The following DCLK1 variants were observed in gnomAD, a reference collection of about 807,000 sequenced individuals.
The protein encoded by DCLK1 is serine/threonine-protein kinase DCLK1.
A neutral mutation model predicts 86.2 loss-of-function variants in DCLK1; 16 were observed. The observed-to-expected ratio is 0.19, with a 90% CI of 0.13 to 0.28. The LOEUF (loss-of-function observed/expected upper bound fraction) is 0.28. DCLK1 is among the 10% of genes least tolerant of loss of function. DCLK1 has a pLI of 1.00. For missense variants in DCLK1, 590 were observed against 940.2 expected (o/e 0.63, Z 4.87); for synonymous variants, 369 against 370.5 (o/e 1.00, Z 0.05).
intron 3 of DCLK1, among the ~76,000 whole-genome samples, chr13:36,086,518 A>G (rs1457473660): frequency 6.7e-6 from 1 of 150,028 alleles, no homozygotes; most frequent in Non-Finnish European, 1.5e-5. Flanking sequence ...AGTTTGTTAC[A>G]TAGGTATACA....
chr13:35,918,289 T>A (rs1185601069), intron 4 of DCLK1, among the ~76,000 whole-genome samples: 3 of 152,212 alleles, frequency 2.0e-5, no homozygotes, highest in Non-Finnish European at 4.4e-5. Flanking sequence ...AAGGAACATA[T>A]GTTTGTCAGA....
In DCLK1 at chr13:35,822,795, G is replaced by A; in HGVS notation, c.1488C>T (p.Ala496=). The A allele has an allele frequency of 1.2e-6, 2 of 1,613,754 alleles. No homozygotes were observed. Among genetic ancestry groups the A allele is most frequent in the South Asian group, 1.1e-5 (1 of 91,028 alleles). Residue 496 remains alanine, a synonymous_variant, in exon 11 of 17, where the codon GCC becomes GCT. Coordinates refer to ENST00000360631, the MANE Select transcript of DCLK1 (RefSeq NM_001330071.2). The part of the protein sequence containing the change: ...RDASGMLYNL[A]SAIKYLHSLN... The stretch of plus-strand genomic sequence containing the variant: ...GGCTATGCAGGTATTTGATGGCGCT[G>A]GCTAGGTTGTACAGCATCCCACTGG...
chr13:35,908,501 G>T (rs1874809973), intron 4 of DCLK1, among the ~76,000 whole-genome samples: 1 of 152,192 alleles, frequency 6.6e-6, no homozygotes. Context: ...GCTCCGAAAA[G>T]CTTCTCTAGT....
chr13:36,094,542 T>C (rs182647596), intron 3 of DCLK1, among the ~76,000 whole-genome samples: 1 of 152,356 alleles, frequency 6.6e-6, no homozygotes, highest in Non-Finnish European at 1.5e-5. Context: ...GGGTAGTTGC[T>C]ATACACCCTG....
At chr13:36,118,627 G>C (rs1467196269) in intron 2 of DCLK1, among the ~76,000 whole-genome samples, 9 of 152,120 alleles carry the variant, frequency 5.9e-5, no homozygotes, top group African/African-American at 1.4e-4. Context: ...GAGAAAACAA[G>C]TTGGAGAAAT....
At chr13:36,054,533 G>A (rs553418813) in intron 3 of DCLK1, among the ~76,000 whole-genome samples, 1 of 152,224 alleles carries the variant, frequency 6.6e-6, no homozygotes, top group East Asian at 1.9e-4. Flanking sequence ...AGAGGGGTAG[G>A]GGAAGTACAG....
At chr13:35,805,917 C>T in intron 14 of DCLK1, 138 bp from the exon 15 acceptor site, 1 of 601,210 alleles carries the variant, frequency 1.7e-6, no homozygotes, top group Non-Finnish European at 2.6e-6. Flanking sequence ...CTCCACTTAC[C>T]TGTGGCTATT....
intron 3 of DCLK1, among the ~76,000 whole-genome samples, chr13:36,073,254 G>A (rs529075215): frequency 3.3e-5 from 5 of 152,132 alleles, no homozygotes; most frequent in African/African-American, 7.2e-5. Flanking sequence ...ATCCTCCTAC[G>A]TCCAGCCCCA....
intron 4 of DCLK1, among the ~76,000 whole-genome samples, chr13:35,906,723 T>C (rs1185428369): frequency 6.6e-6 from 1 of 152,158 alleles, no homozygotes; most frequent in Non-Finnish European, 1.5e-5. Context: ...GGGAAATCAC[T>C]GAAGAGTTAT....
chr13:35,789,986 C>T (rs1056915340), intron 16 of DCLK1, among the ~76,000 whole-genome samples: 4 of 152,184 alleles, frequency 2.6e-5, no homozygotes, highest in Non-Finnish European at 4.4e-5. Flanking sequence ...GAATGCAATG[C>T]CTTCCACCTA....
chr13:35,963,899 CT>C (rs1334497673), intron 3 of DCLK1, among the ~76,000 whole-genome samples: 1 of 152,142 alleles, frequency 6.6e-6, no homozygotes, highest in African/African-American at 2.4e-5. Flanking sequence ...AACTAAACCT[CT>C]TTATAAATTA....
At chr13:35,843,406 C>T (rs9574736) in intron 6 of DCLK1, among the ~76,000 whole-genome samples, 290 of 152,240 alleles carry the variant, frequency 1.9e-3, no homozygotes, top group African/African-American at 6.8e-3. Context: ...AGAACACATC[C>T]TAAGTGTAGC....
chr13:35,801,864 T>C (rs531037207), intron 15 of DCLK1, among the ~76,000 whole-genome samples: 1 of 152,272 alleles, frequency 6.6e-6, no homozygotes, highest in Non-Finnish European at 1.5e-5. Flanking sequence ...ATTCATGTCG[T>C]TCCCAACAGC....
At chr13:35,925,017 A>T (rs1229095186) in intron 4 of DCLK1, among the ~76,000 whole-genome samples, 1 of 152,206 alleles carries the variant, frequency 6.6e-6, no homozygotes, top group Non-Finnish European at 1.5e-5. Flanking sequence ...AAGGCTGCTG[A>T]CCTTAAATTT....
chr13:35,855,099 G>A (rs376163434), intron 5 of DCLK1, among the ~76,000 whole-genome samples: 72 of 152,282 alleles, frequency 4.7e-4, no homozygotes, highest in African/African-American at 1.6e-3. Flanking sequence ...CATCCCCCTA[G>A]GCTGATTGTG....
At chr13:36,080,325 C>G (rs7997598) in intron 3 of DCLK1, among the ~76,000 whole-genome samples, 89,808 of 151,976 alleles carry the variant, frequency 0.59, 26,961 homozygotes, top group East Asian at 0.86. Flanking sequence ...CGATATCATG[C>G]AGGATCAAAG....
At chr13:36,118,905 G>A (rs898886593) in intron 2 of DCLK1, among the ~76,000 whole-genome samples, 1 of 152,100 alleles carries the variant, frequency 6.6e-6, no homozygotes, top group African/African-American at 2.4e-5. Context: ...ATCTTCACAG[G>A]GTTGAAGGGG....
chr13:35,926,193 G>A (rs899175783), intron 4 of DCLK1, among the ~76,000 whole-genome samples: 1 of 152,090 alleles, frequency 6.6e-6, no homozygotes, highest in African/African-American at 2.4e-5. Context: ...TGGGCAACTG[G>A]GACTACAGGC....
intron 14 of DCLK1, among the ~76,000 whole-genome samples, chr13:35,807,079 T>C (rs1111726): frequency 0.61 from 93,335 of 152,108 alleles, 30,786 homozygotes; most frequent in African/African-American, 0.86. Flanking sequence ...CTCAAATTTT[T>C]AAACATTTAA....
Sources: allele counts gnomAD v4.1 joint callset (sites outside exome capture counted in the v4.1 genomes callset), GRCh38; gene constraint gnomAD v4.1.1; transcripts MANE v1.5; gene names NCBI Gene and HGNC (gene_info 2026-07-23, HGNC 2026-07-21).